The following VSTM2L variants were observed in gnomAD, a reference collection of about 807,000 sequenced individuals.
VSTM2L encodes V-set and transmembrane domain-containing protein 2-like protein.
VSTM2L carries 9 observed loss-of-function variants against 19.9 expected under a neutral mutation model. The observed-to-expected ratio is 0.45, with a 90% CI of 0.27 to 0.79. The LOEUF is 0.79. VSTM2L is among the 30% of genes least tolerant of loss of function. The probability of loss-of-function intolerance (pLI) is 0.15; values close to 1 mark genes in which losing one functional copy is unlikely to be tolerated. For synonymous variants in VSTM2L, 127 were observed against 133.8 expected (o/e 0.95, Z 0.35); for missense variants, 286 against 295.5 (o/e 0.97, Z 0.24).
chr20:37,939,482 C>A (rs2072959516), intron 3 of VSTM2L, among the ~76,000 whole-genome samples: 1 of 152,184 alleles, frequency 6.6e-6, no homozygotes, highest in Admixed American at 6.5e-5. Flanking sequence ...CTTATCACAT[C>A]ATCTCACAGT....
intron 2 of VSTM2L, among the ~76,000 whole-genome samples, chr20:37,932,842 T>C (rs1050717457): frequency 7.2e-5 from 11 of 152,260 alleles, no homozygotes; most frequent in African/African-American, 2.7e-4. Context: ...CACCCATTCG[T>C]ATATGAACAC....
Position 37,944,106 on chromosome 20 carries a change from G to A in VSTM2L, c.468G>A (p.Lys156=). 2 of 1,612,800 alleles carry A rather than the reference G, an allele frequency of 1.2e-6. No homozygotes were observed. Among genetic ancestry groups the A allele is most frequent in the Non-Finnish European group, 1.7e-6 (2 of 1,179,302 alleles). Residue 156 remains lysine (K), a synonymous_variant, in exon 4 of 4, where the codon AAG becomes AAA. Coordinates refer to ENST00000373461, the MANE Select transcript of VSTM2L (RefSeq NM_080607.3). ...DFSDGKARHH[K]VKAYLRVQPG... is the part of the protein sequence containing the mutation. The stretch of plus-strand genomic sequence containing the variant: ...GCGACGGCAAGGCCCGGCACCACAA[G>A]GTCAAGGCCTACCTGCGGGTGCAGC...
In VSTM2L at chr20:37,944,105, A is replaced by C. The variant is rs940981277; in HGVS notation, c.467A>C (p.Lys156Thr). The stretch of plus-strand genomic sequence containing the variant: ...AGCGACGGCAAGGCCCGGCACCACA[A>C]GGTCAAGGCCTACCTGCGGGTGCAG... ...DFSDGKARHH[K>T]VKAYLRVQPG... The change falls in exon 4 of 4, where the codon AAG becomes ACG. Residue 156 changes from lysine (K) to threonine (T), a missense_variant. Coordinates refer to ENST00000373461, the MANE Select transcript of VSTM2L (RefSeq NM_080607.3). 5.0e-6 allele frequency: 8 copies of C among 1,612,704 alleles called. No homozygotes were observed. Among genetic ancestry groups the C allele is most frequent in the Non-Finnish European group, 6.8e-6 (8 of 1,179,330 alleles).
intron 1 of VSTM2L, among the ~76,000 whole-genome samples, chr20:37,905,570 GA>G (rs1352098178): frequency 6.6e-6 from 1 of 152,144 alleles, no homozygotes; most frequent in Non-Finnish European, 1.5e-5. Flanking sequence ...AGTTGCTGGG[GA>G]ACCTGGCTTC....
Position 37,936,592 on chromosome 20 carries a change from C to A in VSTM2L, c.342+3003C>A, listed in dbSNP as rs547752610. On this transcript the variant is annotated intron_variant, in intron 3 of 3. Transcript: ENST00000373461. ...CTTGGTGCGGGGAGGGCTTCGTGAACCTGCCTGGGTGGCCATGTTAGCCTT... is the reference window on the plus strand; with the variant it reads ...CTTGGTGCGGGGAGGGCTTCGTGAAACTGCCTGGGTGGCCATGTTAGCCTT... Among the ~76,000 whole-genome samples the A allele has an allele frequency of 2.3e-3, 345 of 152,290 alleles. 2 individuals carry two copies. The highest frequency in any genetic ancestry group is 4.1e-3 in the Non-Finnish European group (279 of 68,022).
chr20:37,910,268 G>A (rs2072772536), intron 1 of VSTM2L, among the ~76,000 whole-genome samples: 1 of 152,224 alleles, frequency 6.6e-6, no homozygotes, highest in Non-Finnish European at 1.5e-5. Context: ...TTAGTTTATA[G>A]AAAAACATTA....
At chr20:37,924,794 G>A (rs2122959549) in intron 1 of VSTM2L, among the ~76,000 whole-genome samples, 1 of 152,246 alleles carries the variant, frequency 6.6e-6, no homozygotes, top group East Asian at 1.9e-4. Flanking sequence ...GTTGCTGATT[G>A]AGCTGCCTGC....
intron 1 of VSTM2L, among the ~76,000 whole-genome samples, chr20:37,905,166 T>C (rs993770846): frequency 6.6e-6 from 1 of 152,008 alleles, no homozygotes; most frequent in African/African-American, 2.4e-5. Flanking sequence ...AACTGGGAAT[T>C]CCTCCCTCTC....
Position 37,944,634 on chromosome 20 carries a change from G to T in VSTM2L, c.*381G>T, listed in dbSNP as rs952300087. ...TCCTGAGCCGGGGCCCCCCAGCCTC[G>T]CCTCCCTCCTCCTACCATCCCTCAC... On this transcript the variant is annotated 3_prime_UTR_variant, in exon 4 of 4. Transcript: ENST00000373461. 1 of 1,023,908 alleles carries T rather than the reference G, an allele frequency of 9.8e-7. No individual in the cohort carries two copies. The highest frequency in any genetic ancestry group is 1.2e-6 in the Non-Finnish European group (1 of 856,236). The allele number at this position is 1,023,908 out of a possible 1,614,324, so 63.4% of individuals were successfully genotyped here. A position where few individuals can be genotyped will look rare whatever the true frequency, so the allele number is the denominator to read the frequency against.
chr20:37,904,205 G>A (rs1054180360), intron 1 of VSTM2L, among the ~76,000 whole-genome samples: 4 of 152,202 alleles, frequency 2.6e-5, no homozygotes, highest in African/African-American at 4.8e-5. Flanking sequence ...CAGAGCCACC[G>A]GAGTAGTTGG....
In VSTM2L at chr20:37,931,790, T is replaced by C; in HGVS notation, c.277T>C (p.Trp93Arg). The C allele has an allele frequency of 6.2e-7, 1 of 1,613,708 alleles. No individual in the cohort carries two copies. Among genetic ancestry groups the C allele is most frequent in the Non-Finnish European group, 8.5e-7 (1 of 1,179,926 alleles). The change falls in exon 2 of 4, where the codon TGG becomes CGG. Residue 93 changes from tryptophan to arginine, a missense_variant. Coordinates refer to ENST00000373461, the MANE Select transcript of VSTM2L (RefSeq NM_080607.3). ...SHRDWTDKQA[W>R]ASNQLKASQQ... Reference sequence around the variant, plus strand: ...CCGGGACTGGACCGACAAGCAGGCGTGGGCCTCGAACCAGGTAATGCCCCT... The same window carrying C: ...CCGGGACTGGACCGACAAGCAGGCGCGGGCCTCGAACCAGGTAATGCCCCT...
intron 1 of VSTM2L, among the ~76,000 whole-genome samples, chr20:37,929,126 C>T (rs950555743): frequency 6.6e-6 from 1 of 152,050 alleles, no homozygotes; most frequent in Non-Finnish European, 1.5e-5. Context: ...GGCAGGCCTC[C>T]CTAAGGAAGC....
At position 37,934,550 on chromosome 20, in the gene VSTM2L, C is replaced by T. The variant is rs117867736; in HGVS notation, c.342+961C>T. Among the ~76,000 whole-genome samples, 840 of 152,264 alleles carry T rather than the reference C, an allele frequency of 5.5e-3. 4 individuals carry two copies. The highest frequency in any genetic ancestry group is 0.017 in the Middle Eastern group (5 of 294). ...GCATGCTTGTGTGTTTGTGTGTCCT[C>T]GCATGCGCATGGCGGGGAAACCTTT... On this transcript the variant is annotated intron_variant, in intron 3 of 3. Coordinates refer to ENST00000373461, the MANE Select transcript of VSTM2L (RefSeq NM_080607.3).
At chr20:37,903,548 C>T (rs1443801270) in intron 1 of VSTM2L, 77 bp downstream of exon 1, 3 of 1,330,982 alleles carry the variant, frequency 2.3e-6, no homozygotes, top group Non-Finnish European at 1.9e-6. Context: ...TTGGCCGCCC[C>T]GGGGCTCGAA....
intron 1 of VSTM2L, among the ~76,000 whole-genome samples, chr20:37,914,735 C>A (rs961583298): frequency 3.3e-5 from 5 of 152,162 alleles, no homozygotes; most frequent in African/African-American, 1.2e-4. Context: ...ATTCAACACG[C>A]CCACCTTGCA....
At chr20:37,931,458 T>C (rs1410287490) in intron 1 of VSTM2L, among the ~76,000 whole-genome samples, 177 bp from the exon 2 acceptor site, 1 of 152,112 alleles carries the variant, frequency 6.6e-6, no homozygotes, top group Non-Finnish European at 1.5e-5. Context: ...CTTGCTGAGC[T>C]TCTTGGGTGC....
intron 3 of VSTM2L, among the ~76,000 whole-genome samples, chr20:37,942,075 A>G (rs552844584): frequency 8.5e-5 from 13 of 152,308 alleles, no homozygotes; most frequent in Non-Finnish European, 1.2e-4. Context: ...TATTCAGGGC[A>G]GATTTATTCA....
intron 1 of VSTM2L, among the ~76,000 whole-genome samples, chr20:37,904,073 C>T (rs549969897): frequency 6.6e-6 from 1 of 152,232 alleles, no homozygotes; most frequent in Non-Finnish European, 1.5e-5. Flanking sequence ...TCCTCTTCCT[C>T]TCCACACCCA....
At chr20:37,921,018 A>C (rs1179130279) in intron 1 of VSTM2L, among the ~76,000 whole-genome samples, 1 of 152,102 alleles carries the variant, frequency 6.6e-6, no homozygotes, top group Non-Finnish European at 1.5e-5. Flanking sequence ...GACCTGGGAG[A>C]GTTCCCAGCT....
Sources: gnomAD v4.1 joint callset for allele counts (sites outside exome capture counted in the v4.1 genomes callset) on GRCh38, gnomAD v4.1.1 for gene constraint, MANE v1.5 for transcripts, NCBI Gene and HGNC (gene_info 2026-07-23, HGNC 2026-07-21) for gene names.